The following CCDC82 variants were observed in gnomAD, a reference collection of about 807,000 sequenced individuals.
CCDC82 encodes coiled-coil domain containing 82, also known as coiled-coil domain-containing protein 82.
A neutral mutation model predicts 60.6 loss-of-function variants in CCDC82; 47 were observed. The ratio of observed to expected loss-of-function variants is 0.77; its 90% CI spans 0.61 to 0.99. CCDC82 has a LOEUF of 0.99. Among genes scored for constraint, CCDC82 ranks in the 50% least tolerant of loss-of-function variants. The pLI is 0.00. For missense variants in CCDC82, 588 were observed against 633.0 expected (o/e 0.93, Z 0.76); for synonymous variants, 212 against 207.4 (o/e 1.02, Z -0.19).
chr11:96,371,380 A>G (rs1171704289), intron 6 of CCDC82, among the ~76,000 whole-genome samples: 1 of 152,150 alleles, frequency 6.6e-6, no homozygotes, highest in Admixed American at 6.5e-5. Flanking sequence ...CAGGAGATCG[A>G]GACCATCCTG....
Position 96,373,432 on chromosome 11 carries a change from C to G in CCDC82, c.1027G>C (p.Val343Leu), listed in dbSNP as rs747723002. 6.2e-7 allele frequency: 1 copy of G among 1,610,004 alleles called. No individual in the cohort carries two copies. The highest frequency in any genetic ancestry group is 1.7e-5 in the Admixed American group (1 of 59,634). Residue 343 changes from valine to leucine, a missense_variant, in exon 6 of 10, where the codon GTT becomes CTT. Val to Leu is a conservative substitution (Grantham distance 32). Transcript: ENST00000646818. ...FSDHYTHFER[V>L]VKALLINALD... Reference sequence around the variant, plus strand: ...GCGTTGATCAGAAGAGCCTTCACAACTCTTTCAAAATGAGTATAGTGGTCA... The same window carrying G: ...GCGTTGATCAGAAGAGCCTTCACAAGTCTTTCAAAATGAGTATAGTGGTCA...
At chr11:96,383,535 AAAATT>A in intron 4 of CCDC82, 62 bp from the exon 5 acceptor site, 1 of 1,080,156 alleles carries the variant, frequency 9.3e-7, no homozygotes, top group South Asian at 1.6e-5. Context: ...GCATCGATAT[AAAATT>A]AAAACATTAA....
intron 8 of CCDC82, among the ~76,000 whole-genome samples, chr11:96,362,789 T>C (rs904697332): frequency 1.3e-5 from 2 of 152,302 alleles, no homozygotes; most frequent in South Asian, 2.1e-4. Flanking sequence ...AGAAAAGTTT[T>C]CTTATGAAAC....
intron 9 of CCDC82, chr11:96,358,552 T>G (rs1864462617): frequency 8.1e-7 from 1 of 1,235,314 alleles, no homozygotes; most frequent in African/African-American, 1.6e-5. Context: ...GTATTAGAAC[T>G]GGCAGCCGAG....
chr11:96,388,781 A>T (rs1866357172), intron 1 of CCDC82: 1 of 152,230 alleles, frequency 6.6e-6, no homozygotes, highest in Non-Finnish European at 1.5e-5. Flanking sequence ...AAATTCTACC[A>T]GGAGGGATCC....
chr11:96,388,239 AGTTT>A (rs2136229811), intron 1 of CCDC82: 1 of 152,388 alleles, frequency 6.6e-6, no homozygotes, highest in South Asian at 2.1e-4. Context: ...AAGGAAAGCT[AGTTT>A]GATGGGTAAG....
At chr11:96,360,533 A>T (rs555266777) in intron 8 of CCDC82, among the ~76,000 whole-genome samples, 2 of 152,192 alleles carry the variant, frequency 1.3e-5, no homozygotes, top group South Asian at 4.1e-4. Context: ...CACTGTAGAA[A>T]ATGCATCAGA....
intron 1 of CCDC82, chr11:96,387,882 T>G (rs183396853): frequency 2.0e-5 from 3 of 152,256 alleles, no homozygotes; most frequent in Admixed American, 1.3e-4. Flanking sequence ...AATTGCAAAA[T>G]TTAAAGGAGT....
At chr11:96,369,599 T>C (rs1865150533) in intron 7 of CCDC82, among the ~76,000 whole-genome samples, 1 of 152,194 alleles carries the variant, frequency 6.6e-6, no homozygotes, top group African/African-American at 2.4e-5. Context: ...TATATGGGCA[T>C]GGTTTCTGTC....
intron 7 of CCDC82, among the ~76,000 whole-genome samples, chr11:96,368,602 C>T (rs1865075867): frequency 6.6e-6 from 1 of 152,168 alleles, no homozygotes; most frequent in Non-Finnish European, 1.5e-5. Context: ...TGCAGTGGCT[C>T]ACGTCCGTAA....
intron 7 of CCDC82, among the ~76,000 whole-genome samples, chr11:96,369,442 C>G (rs1865139071): frequency 6.6e-6 from 1 of 152,156 alleles, no homozygotes; most frequent in Non-Finnish European, 1.5e-5. Flanking sequence ...CTTGAACGAT[C>G]AGAGGCCATT....
intron 7 of CCDC82, among the ~76,000 whole-genome samples, chr11:96,369,511 T>C (rs1865144309): frequency 6.6e-6 from 1 of 152,138 alleles, no homozygotes; most frequent in South Asian, 2.1e-4. Context: ...TAAGGATGCC[T>C]GAGGAGAGGA....
chr11:96,353,629 T>C lies in CCDC82; in HGVS notation c.*17A>G. The C allele has an allele frequency of 2.5e-6, 4 of 1,570,730 alleles. No individual in the cohort carries two copies. Among genetic ancestry groups the C allele is most frequent in the East Asian group, 2.2e-5 (1 of 44,474 alleles). On this transcript the variant is annotated 3_prime_UTR_variant, in exon 10 of 10. Coordinates refer to ENST00000646818, the MANE Select transcript of CCDC82 (RefSeq NM_024725.4). ...ACATTTACAGGAATTTAAAAAATCT[T>C]CTCTGATGGAAATGTGTTACAACTC... is the stretch of plus-strand genomic sequence containing the variant.
intron 7 of CCDC82, among the ~76,000 whole-genome samples, chr11:96,367,172 TAAAAC>T (rs1239525871): frequency 6.6e-6 from 1 of 152,184 alleles, no homozygotes; most frequent in Non-Finnish European, 1.5e-5. Context: ...GGCAATTTCT[TAAAAC>T]AAGACAATAA....
At chr11:96,385,726 T>C (rs1866155556) in intron 3 of CCDC82, 1 of 152,138 alleles carries the variant, frequency 6.6e-6, no homozygotes, top group African/African-American at 2.4e-5. Flanking sequence ...AAGCTGTCAG[T>C]TTATCATTTA....
Position 96,384,054 on chromosome 11 carries a change from A to G in CCDC82, c.694T>C (p.Leu232=). ...AGTTTTTCTCGCTTTTGTGCAGCTA[A>G]TGTTTTTTCAGGAGTCTTTTGCTCC... The part of the protein sequence containing the change: ...EMEQKTPEKT[L]AAQKREKLQK... The change falls in exon 4 of 10, where the codon TTA becomes CTA. Residue 232 remains leucine (L), a synonymous_variant. Transcript: ENST00000646818. 1 of 1,613,730 alleles carries G rather than the reference A, an allele frequency of 6.2e-7. No homozygotes were observed. The highest frequency in any genetic ancestry group is 8.5e-7 in the Non-Finnish European group (1 of 1,179,740).
At position 96,384,437 on chromosome 11, in the gene CCDC82, C is replaced by A. The variant is rs759672040; in HGVS notation, c.311G>T (p.Gly104Val). The A allele has an allele frequency of 6.2e-7, 1 of 1,613,758 alleles. No individual in the cohort carries two copies. The highest frequency in any genetic ancestry group is 1.3e-5 in the African/African-American group (1 of 75,012). Residue 104 changes from glycine (G) to valine (V), a missense_variant, in exon 4 of 10, where the codon GGC (glycine) becomes GTC (valine). By Grantham distance (109) the Gly-to-Val change is moderately radical. Coordinates refer to ENST00000646818, the MANE Select transcript of CCDC82 (RefSeq NM_024725.4). ...TTCTTCTTCATATGTTGAACCGTTG[C>A]CAGAGTTAATGAGACACTTACTGTC... is the stretch of plus-strand genomic sequence containing the variant. Reference protein sequence around the residue: ...GNDSKCLINSGNGSTYEEETN... With the variant: ...GNDSKCLINSVNGSTYEEETN...
intron 7 of CCDC82, among the ~76,000 whole-genome samples, chr11:96,366,600 G>T (rs955828317): frequency 1.3e-5 from 2 of 152,110 alleles, no homozygotes; most frequent in African/African-American, 4.8e-5. Context: ...GGAAATAATA[G>T]TGCCCTCCAG....
chr11:96,373,311 G>A (rs1591194157), intron 6 of CCDC82, 64 bp downstream of exon 6: 1 of 989,698 alleles, frequency 1.0e-6, no homozygotes, highest in Admixed American at 2.2e-5. Flanking sequence ...TTTTAAAAGT[G>A]AGGTTGTTTT....
Sources: allele counts gnomAD v4.1 joint callset (sites outside exome capture counted in the v4.1 genomes callset), GRCh38; gene constraint gnomAD v4.1.1; transcripts MANE v1.5; gene names NCBI Gene and HGNC (gene_info 2026-07-23, HGNC 2026-07-21).